The following RPL3L variants were observed in gnomAD, a reference collection of about 807,000 sequenced individuals.
RPL3L encodes the protein ribosomal protein uL3-like.
A neutral mutation model predicts 44.5 loss-of-function variants in RPL3L; 44 were observed. The observed-to-expected ratio is 0.99, with a 90% CI of 0.78 to 1.27. The LOEUF (loss-of-function observed/expected upper bound fraction) is 1.27. RPL3L is among the 50% of genes most tolerant of loss of function. RPL3L has a pLI of 0.00. For missense variants in RPL3L, 631 were observed against 569.1 expected (o/e 1.11, Z -1.11); for synonymous variants, 292 against 230.7 (o/e 1.27, Z -2.41).
chr16:1,950,141 G>A (rs1297990956), intron 4 of RPL3L, among the ~76,000 whole-genome samples: 4 of 141,254 alleles, frequency 2.8e-5, no homozygotes, highest in African/African-American at 1.1e-4. Context: ...GGTATGGACA[G>A]GGCAGGTATG....
chr16:1,948,235 C>CTTTTTTTTT, intron 4 of RPL3L, among the ~76,000 whole-genome samples: 2 of 150,208 alleles, frequency 1.3e-5, no homozygotes, highest in African/African-American at 2.4e-5. Flanking sequence ...CCACGCCCGG[C>CTTTTTTTTT]CTTTTTTTAA....
intron 4 of RPL3L, among the ~76,000 whole-genome samples, chr16:1,949,238 ATTTTTGTTTTTTTTTTTTTTCTTTTTT>A (rs1012128421): frequency 2.5e-5 from 2 of 80,086 alleles, no homozygotes; most frequent in African/African-American, 9.8e-5. Flanking sequence ...ACTGGGCCTG[ATTTTTGTTTTTTTTTTTTTTCTTTTTT>A]TTTTTTTTTT....
intron 2 of RPL3L, 24 bp from the exon 3 acceptor site, chr16:1,953,066 C>T: frequency 1.3e-6 from 2 of 1,569,656 alleles, no homozygotes. Context: ...AGGGATGGGG[C>T]ATGAAGGGGG....
chr16:1,945,596 C>A lies in RPL3L; in HGVS notation c.1070G>T (p.Arg357Leu). ...LRKSLLVHHS[R>L]QAVENIELKF... ...GAGCTCAATATTCTCCACGGCTTGGCGACTGTGATGCACCAGGAGGGACTG... is the reference window on the plus strand; with the variant it reads ...GAGCTCAATATTCTCCACGGCTTGGAGACTGTGATGCACCAGGAGGGACTG... Residue 357 changes from arginine (R) to leucine (L), a missense_variant, in exon 9 of 10, where the codon CGC becomes CTC. By Grantham distance (102) the Arg-to-Leu change is moderately radical (BLOSUM62 -2). Transcript: ENST00000268661. 1 of 1,613,806 alleles carries A rather than the reference C, an allele frequency of 6.2e-7. No homozygotes were observed. The highest frequency in any genetic ancestry group is 8.5e-7 in the Non-Finnish European group (1 of 1,179,966).
At chr16:1,944,991 G>C in intron 9 of RPL3L, 98 bp from the exon 10 acceptor site, 1 of 1,458,138 alleles carries the variant, frequency 6.9e-7, no homozygotes, top group South Asian at 1.1e-5. Context: ...CGGCCCTACT[G>C]CCCCCCTAAG....
Position 1,954,115 on chromosome 16 carries a change from G to A in RPL3L, c.37C>T (p.His13Tyr), listed in dbSNP as rs374325924. ...CTCTTATGGGGCAGGAAGCCCAGGT[G>A]TCCGTGCCGAGGGGCGGAAAACTTC... The part of the protein sequence containing the change: ...HRKFSAPRHG[H>Y]LGFLPHKRSH... The change falls in exon 2 of 10, where the codon CAC becomes TAC. Residue 13 changes from histidine (H) to tyrosine (Y), a missense_variant. By Grantham distance (83) the His-to-Tyr change is moderately conservative (BLOSUM62 2). Transcript: ENST00000268661. 15 of 1,599,248 alleles carry A rather than the reference G, an allele frequency of 9.4e-6. No homozygotes were observed. The African/African-American group carries it at 2.0e-4, about 21-fold the overall frequency.
At chr16:1,946,902 C>A (rs775826086) in intron 6 of RPL3L, 36 bp downstream of exon 6, 2 of 1,577,490 alleles carry the variant, frequency 1.3e-6, no homozygotes, top group Admixed American at 3.5e-5. Context: ...TGGGGTCCGA[C>A]CACACAGTGT....
At chr16:1,946,824 G>A in intron 6 of RPL3L, 98 bp from the exon 7 acceptor site, 2 of 1,570,318 alleles carry the variant, frequency 1.3e-6, no homozygotes, top group African/African-American at 1.3e-5. Flanking sequence ...CAGTGCTGGT[G>A]GGGGCATCTT....
Position 1,944,461 on chromosome 16 carries a change from G to A in RPL3L, c.*376C>T, listed in dbSNP as rs1466167982. On this transcript the variant is annotated 3_prime_UTR_variant, in exon 10 of 10. Transcript: ENST00000268661. ...ACCAATCGGCTCTCCTGGCTCACTG[G>A]CTCTCCCCACCCGCCAAGTTATCCT... 1.1e-5 allele frequency: 2 copies of A among 174,604 alleles called. No individual in the cohort carries two copies. Among genetic ancestry groups the A allele is most frequent in the Non-Finnish European group, 2.4e-5 (2 of 82,162 alleles). 10.8% of individuals were successfully genotyped at this position (174,604 alleles called of 1,614,324 possible).
At chr16:1,952,849 C>G in intron 3 of RPL3L, 25 bp downstream of exon 3, 1 of 1,612,158 alleles carries the variant, frequency 6.2e-7, no homozygotes, top group South Asian at 1.1e-5. Context: ...AGCCCTTGGA[C>G]GGCCCAGCCA....
At chr16:1,951,120 G>C (rs1488697842) in intron 3 of RPL3L, 141 bp from the exon 4 acceptor site, 1 of 1,096,680 alleles carries the variant, frequency 9.1e-7, no homozygotes, top group Non-Finnish European at 1.3e-6. Context: ...CTCTGAGCTG[G>C]TTCCAGCCAC....
At position 1,952,135 on chromosome 16, in the gene RPL3L, T is replaced by A. The variant is rs189671068; in HGVS notation, c.365+739A>T. On this transcript the variant is annotated intron_variant, in intron 3 of 9. Coordinates refer to ENST00000268661, the MANE Select transcript of RPL3L (RefSeq NM_005061.3). ...AGCTTATTTTTTTATTTTTATTTTTTTTTTTGTATTTTTAGTAGAGACGGG... is the reference window on the plus strand; with the variant it reads ...AGCTTATTTTTTTATTTTTATTTTTATTTTTGTATTTTTAGTAGAGACGGG... Among the ~76,000 whole-genome samples the A allele has an allele frequency of 3.1e-3, 471 of 151,562 alleles. 2 individuals are homozygous for A. Among genetic ancestry groups the A allele is most frequent in the Middle Eastern group, 0.014 (4 of 294 alleles).
Position 1,948,246 on chromosome 16 carries a change from T to C in RPL3L, c.502-866A>G, listed in dbSNP as rs2083140404. On this transcript the variant is annotated intron_variant, in intron 4 of 9. Transcript: ENST00000268661. Reference sequence around the variant, plus strand: ...GCCACCACGCCCGGCCTTTTTTTAATGGAGTCTCGCTCTGTTGCCCAGACT... The same window carrying C: ...GCCACCACGCCCGGCCTTTTTTTAACGGAGTCTCGCTCTGTTGCCCAGACT... 2.0e-5 allele frequency among the ~76,000 whole-genome samples: 3 copies of C among 151,742 alleles called. No homozygotes were observed. In the South Asian group the frequency reaches 6.2e-4, roughly 32 times the overall value.
At position 1,945,489 on chromosome 16, in the gene RPL3L, G is replaced by A. The variant is rs752749143; in HGVS notation, c.1167+10C>T. 8 of 1,606,370 alleles carry A rather than the reference G, an allele frequency of 5.0e-6. No homozygotes were observed. Among genetic ancestry groups the A allele is most frequent in the Non-Finnish European group, 6.0e-6 (7 of 1,176,140 alleles). On this transcript the variant is annotated intron_variant, in intron 9 of 9. Transcript: ENST00000268661. ...CCAGAGAAGAACAAGGATGGGGGCG[G>A]TGAGCTCACCATGAAGGCCCTCTTC...
intron 6 of RPL3L, 85 bp downstream of exon 6, chr16:1,946,853 G>A: frequency 6.4e-7 from 1 of 1,561,172 alleles, no homozygotes; most frequent in Non-Finnish European, 8.7e-7. Context: ...GGCAGTGTCT[G>A]GGTCATGCAC....
chr16:1,953,398 T>G (rs2023274), intron 2 of RPL3L, among the ~76,000 whole-genome samples: 43,885 of 151,984 alleles, frequency 0.29, 6,897 homozygotes, highest in Middle Eastern at 0.53. Flanking sequence ...TTTTGTATTT[T>G]TTGTAGAGAT....
At chr16:1,946,832 C>T (rs2083124771) in intron 6 of RPL3L, 106 bp from the exon 7 acceptor site, 9 of 1,563,774 alleles carry the variant, frequency 5.8e-6, no homozygotes, top group Non-Finnish European at 7.8e-6. Flanking sequence ...GTGGGGGCAT[C>T]TTGTGTCCCC....
intron 2 of RPL3L, 34 bp from the exon 3 acceptor site, chr16:1,953,076 G>A: frequency 6.4e-7 from 1 of 1,563,000 alleles, no homozygotes; most frequent in Non-Finnish European, 8.7e-7. Flanking sequence ...CATGAAGGGG[G>A]ACCTCCTGAG....
chr16:1,944,567 C>A lies in RPL3L; in HGVS notation c.*270G>T. 30 of 272,312 alleles carry A rather than the reference C, an allele frequency of 1.1e-4. No individual in the cohort carries two copies. The highest frequency in any genetic ancestry group is 3.3e-4 in the East Asian group (5 of 14,932). The allele number at this position is 272,312 out of a possible 1,614,324, so 16.9% of individuals were successfully genotyped here. On this transcript the variant is annotated 3_prime_UTR_variant, in exon 10 of 10. Coordinates refer to ENST00000268661, the MANE Select transcript of RPL3L (RefSeq NM_005061.3). ...TCAAAAAAAAAAAAAAAAAAAACCT[C>A]TGCTCCGCAAATGCTCAAAGAGATC...
Sources: gnomAD v4.1 joint callset for allele counts (sites outside exome capture counted in the v4.1 genomes callset) on GRCh38, gnomAD v4.1.1 for gene constraint, MANE v1.5 for transcripts, NCBI Gene and HGNC (gene_info 2026-07-23, HGNC 2026-07-21) for gene names.